The following CDK19 variants were observed in gnomAD, a reference collection of about 807,000 sequenced individuals.
The protein encoded by CDK19 is cyclin-dependent kinase 19.
A neutral mutation model predicts 68.3 loss-of-function variants in CDK19; 20 were observed. The observed-to-expected ratio is 0.29, with a 90% CI of 0.21 to 0.43. The LOEUF (loss-of-function observed/expected upper bound fraction) is 0.43, where lower values mean the gene tolerates loss of function less well. Ranked by LOEUF, CDK19 falls within the 20% of genes least tolerant of loss-of-function variation. CDK19 has a pLI of 1.00. For synonymous variants in CDK19, 221 were observed against 222.8 expected (o/e 0.99, Z 0.07); for missense variants, 339 against 623.5 (o/e 0.54, Z 4.86).
intron 4 of CDK19, among the ~76,000 whole-genome samples, chr6:110,639,124 A>T (rs953269103): frequency 1.3e-5 from 2 of 152,240 alleles, no homozygotes; most frequent in Non-Finnish European, 2.9e-5. Context: ...ATATTTCTAA[A>T]CTACCGTAGA....
chr6:110,638,444 C>T (rs1376611269), intron 5 of CDK19, among the ~76,000 whole-genome samples: 1 of 152,002 alleles, frequency 6.6e-6, no homozygotes, highest in Admixed American at 6.6e-5. Flanking sequence ...TCCAGTGATG[C>T]CTCAACTTAG....
intron 1 of CDK19, chr6:110,814,270 G>A (rs1351896879): frequency 3.2e-6 from 1 of 308,156 alleles, no homozygotes; most frequent in Admixed American, 4.9e-5. Context: ...GGGCTGCAAG[G>A]TAAAGGGTGG....
Position 110,697,284 on chromosome 6 carries a change from A to C in CDK19, c.205-26743T>G, listed in dbSNP as rs189571592. On this transcript the variant is annotated intron_variant, in intron 2 of 12. Transcript: ENST00000368911. ...AAAAATAAAAAAATAAATTCAATAA[A>C]GTTTCAAATTACAAGATCAATGTAC... Among the ~76,000 whole-genome samples the C allele has an allele frequency of 8.5e-5, 13 of 152,050 alleles. No individual in the cohort carries two copies. In the East Asian group the frequency reaches 2.3e-3, roughly 27 times the overall value.
At chr6:110,729,603 A>AAT (rs1776598367) in intron 2 of CDK19, among the ~76,000 whole-genome samples, 1 of 134,236 alleles carries the variant, frequency 7.4e-6, no homozygotes, top group Non-Finnish European at 1.6e-5. Flanking sequence ...TAATTTTTGT[A>AAT]TTTTTTTTTT....
chr6:110,751,048 T>C (rs1191219162), intron 1 of CDK19, among the ~76,000 whole-genome samples: 1 of 152,108 alleles, frequency 6.6e-6, no homozygotes, highest in Admixed American at 6.5e-5. Flanking sequence ...GTTGCCAGGC[T>C]GGTCTCGACT....
chr6:110,766,561 G>C (rs1779601234), intron 1 of CDK19, among the ~76,000 whole-genome samples: 1 of 152,026 alleles, frequency 6.6e-6, no homozygotes, highest in East Asian at 1.9e-4. Context: ...CTGGGCAACA[G>C]AGCGAGACTC....
rs1780738935 is a variant in CDK19 at position 110,780,544 on chromosome 6, AT to A, written c.129-34344del. ...TACTTAAACTTCCTAACAAAATACC[AT>A]TTTTCTTCCAAAACAAACCAAGCTT... On this transcript the variant is annotated intron_variant, in intron 1 of 12. Transcript: ENST00000368911. Among the ~76,000 whole-genome samples, 2 of 152,052 alleles carry A rather than the reference AT, an allele frequency of 1.3e-5. 1 individual carries two copies. Among genetic ancestry groups the A allele is most frequent in the South Asian group, 4.1e-4 (2 of 4,828 alleles).
At position 110,621,114 on chromosome 6, in the gene CDK19, G is replaced by A. The variant is rs781628403; in HGVS notation, c.1367C>T (p.Ser456Leu). ...GANSGGPVMP[S>L]DYQHSSSRLN... ...ACATTCAGGGAGTACCTGATAATCC[G>A]AGGGCATCACAGGTCCACCTGAGTT... Residue 456 changes from serine (S) to leucine (L), a missense_variant, in exon 12 of 13, where the codon TCG (serine) becomes TTG (leucine). Ser to Leu is a moderately radical substitution (Grantham distance 145). Transcript: ENST00000368911. The surrounding 1 kb of genome is among the most constrained non-coding windows in gnomAD (Gnocchi z 5.4). The A allele has an allele frequency of 4.3e-6, 7 of 1,612,688 alleles. No individual in the cohort carries two copies. Among genetic ancestry groups the A allele is most frequent in the South Asian group, 3.3e-5 (3 of 90,866 alleles).
Position 110,622,166 on chromosome 6 carries a change from A to C in CDK19, c.1032T>G (p.Asp344Glu). ...ATGGAATCTGGCAGCCGGCAAATACACTAAAAATCATTAAAAAGAAAAAAC... is the reference window on the plus strand; with the variant it reads ...ATGGAATCTGGCAGCCGGCAAATACCCTAAAAATCATTAAAAAGAAAAAAC... ...YFQEDPLPTL[D>E]VFAGCQIPYP... Residue 344 changes from aspartate (D) to glutamate (E), a missense_variant and splice_region_variant, in exon 11 of 13, where the codon GAT becomes GAG. By Grantham distance (45) the Asp-to-Glu change is conservative. Around this residue, in one of 4 missense-constraint regions of CDK19, gnomAD observed 155 missense variants for 222.7 expected, o/e 0.70. Transcript: ENST00000368911. The C allele has an allele frequency of 6.3e-7, 1 of 1,593,536 alleles. No homozygotes were observed. Among genetic ancestry groups the C allele is most frequent in the Non-Finnish European group, 8.6e-7 (1 of 1,164,446 alleles).
chr6:110,694,271 C>T (rs1773291803), intron 2 of CDK19, among the ~76,000 whole-genome samples: 1 of 152,076 alleles, frequency 6.6e-6, no homozygotes, highest in African/African-American at 2.4e-5. Context: ...TAAGGCCTCA[C>T]ATAAGCTTAA....
At chr6:110,762,304 TTCC>T (rs1395342647) in intron 1 of CDK19, among the ~76,000 whole-genome samples, 1 of 152,184 alleles carries the variant, frequency 6.6e-6, no homozygotes, top group Non-Finnish European at 1.5e-5. Context: ...TTTCCTCCTA[TTCC>T]TCCTATCAGA....
At chr6:110,632,261 C>A (rs533026515) in intron 5 of CDK19, 100 bp from the exon 6 acceptor site, 58 of 883,626 alleles carry the variant, frequency 6.6e-5, no homozygotes, top group Non-Finnish European at 9.8e-5. Flanking sequence ...GCTATTAGAA[C>A]CATGCAAGGT....
chr6:110,648,038 G>A (rs1780720658), intron 4 of CDK19, among the ~76,000 whole-genome samples: 1 of 152,126 alleles, frequency 6.6e-6, no homozygotes, highest in Non-Finnish European at 1.5e-5. Context: ...ACTCATTCAT[G>A]ATAAAAATTT....
At chr6:110,656,566 TG>T (rs1781319473) in intron 4 of CDK19, among the ~76,000 whole-genome samples, 1 of 152,232 alleles carries the variant, frequency 6.6e-6, no homozygotes, top group East Asian at 1.9e-4. Context: ...TAATATTAAA[TG>T]CTATGACTAA....
intron 4 of CDK19, among the ~76,000 whole-genome samples, chr6:110,642,569 C>G (rs1780274909): frequency 6.6e-6 from 1 of 152,028 alleles, no homozygotes; most frequent in South Asian, 2.1e-4. Flanking sequence ...GAAAAGAAAA[C>G]AAAAAGAGAA....
At chr6:110,759,217 G>A (rs1021353141) in intron 1 of CDK19, among the ~76,000 whole-genome samples, 3 of 150,528 alleles carry the variant, frequency 2.0e-5, no homozygotes, top group Admixed American at 1.3e-4. Context: ...TGGCTAACAC[G>A]GTGAAACCCC....
chr6:110,721,796 C>T (rs780543978), intron 2 of CDK19, among the ~76,000 whole-genome samples: 3 of 151,830 alleles, frequency 2.0e-5, no homozygotes, highest in Non-Finnish European at 2.9e-5. Context: ...AACCTCGTCT[C>T]TACAAAAAAA....
At chr6:110,749,290 T>C (rs921052274) in intron 1 of CDK19, among the ~76,000 whole-genome samples, 2 of 152,172 alleles carry the variant, frequency 1.3e-5, no homozygotes, top group Non-Finnish European at 2.9e-5. Flanking sequence ...TGAAAAACAA[T>C]TGTTTGATGT....
intron 1 of CDK19, chr6:110,813,460 A>G (rs1297242852): frequency 6.6e-6 from 1 of 152,234 alleles, no homozygotes; most frequent in Non-Finnish European, 1.5e-5. Context: ...TATAACTGAT[A>G]AAATTCCCAC....
Sources: gnomAD v4.1 joint callset for allele counts (sites outside exome capture counted in the v4.1 genomes callset) on GRCh38, gnomAD v4.1.1 for gene constraint, gnomAD v4.1.1 regional missense constraint, Gnocchi (gnomAD v3.1) non-coding constraint, MANE v1.5 for transcripts, NCBI Gene and HGNC (gene_info 2026-07-23, HGNC 2026-07-21) for gene names.